Variants in SVIL observed in about 807,000 individuals in gnomAD.
SVIL encodes the protein archvillin.
In SVIL, 101 loss-of-function variants were observed where a neutral mutation model predicts 240.4. The ratio of observed to expected loss-of-function variants is 0.42; its 90% CI spans 0.36 to 0.50. SVIL has a LOEUF of 0.50. Ranked by LOEUF, SVIL falls within the 20% of genes least tolerant of loss-of-function variation. SVIL has a pLI of 0.01. For missense variants in SVIL, 2,512 were observed against 2,818.7 expected (o/e 0.89, Z 2.46); for synonymous variants, 999 against 1,100.0 (o/e 0.91, Z 1.82).
chr10:29,548,570 A>G (rs10437412), intron 6 of SVIL, among the ~76,000 whole-genome samples: 63,541 of 151,976 alleles, frequency 0.42, 13,360 homozygotes, highest in East Asian at 0.44. Flanking sequence ...TCTTGAGTGG[A>G]TCCTTTTACA....
chr10:29,724,181 C>CTT (rs386371080), intron 1 of SVIL, among the ~76,000 whole-genome samples: 88,092 of 144,288 alleles, frequency 0.61, 27,421 homozygotes, highest in Non-Finnish European at 0.69. Flanking sequence ...TGTTTTCTCT[C>CTT]TTTTTTTTTT....
intron 32 of SVIL, among the ~76,000 whole-genome samples, chr10:29,468,716 T>C (rs2132300038): frequency 6.6e-6 from 1 of 152,032 alleles, no homozygotes; most frequent in South Asian, 2.1e-4. Flanking sequence ...CAGTTCACCG[T>C]CTCTTCTACT....
At chr10:29,523,033 A>G (rs912503855) in intron 15 of SVIL, among the ~76,000 whole-genome samples, 2 of 152,232 alleles carry the variant, frequency 1.3e-5, no homozygotes, top group Non-Finnish European at 2.9e-5. Flanking sequence ...GGGCCCACGC[A>G]GTGTAGCTTG....
chr10:29,463,013 G>C (rs1944444606), intron 35 of SVIL, among the ~76,000 whole-genome samples: 1 of 152,010 alleles, frequency 6.6e-6, no homozygotes, highest in Admixed American at 6.6e-5. Context: ...ACTTACTATG[G>C]GTATTTCTCT....
intron 1 of SVIL, among the ~76,000 whole-genome samples, chr10:29,711,362 T>C (rs1963265688): frequency 6.6e-6 from 1 of 152,204 alleles, no homozygotes; most frequent in Non-Finnish European, 1.5e-5. Context: ...ATCGTGCCAC[T>C]GCACTCCAGC....
intron 1 of SVIL, among the ~76,000 whole-genome samples, chr10:29,618,648 CAG>C (rs1393922962): frequency 6.6e-6 from 1 of 152,166 alleles, no homozygotes; most frequent in Non-Finnish European, 1.5e-5. Flanking sequence ...TGGGTCTTTT[CAG>C]AGGCAATAGG....
chr10:29,494,730 G>C (rs978183590), intron 20 of SVIL, among the ~76,000 whole-genome samples, 184 bp downstream of exon 20: 12 of 152,104 alleles, frequency 7.9e-5, no homozygotes, highest in African/African-American at 2.9e-4. Context: ...CATCCCAAGG[G>C]CTTAGATTCA....
rs1298078749 is a variant in SVIL at position 29,532,068 on chromosome 10, C to T, written c.1943G>A (p.Ser648Asn). 1 of 1,614,164 alleles carries T rather than the reference C, an allele frequency of 6.2e-7. No individual in the cohort carries two copies. Among genetic ancestry groups the T allele is most frequent in the Non-Finnish European group, 8.5e-7 (1 of 1,179,992 alleles). Residue 648 changes from serine (S) to asparagine (N), a missense_variant, in exon 9 of 38, where the codon AGT becomes AAT. Around this residue, in one of 3 missense-constraint regions of SVIL, gnomAD observed 1,443 missense variants for 1,486.6 expected, o/e 0.97. Coordinates refer to ENST00000355867, the MANE Select transcript of SVIL (RefSeq NM_021738.3). ...TCTAAATCTCTCGGAAGTTTTTCTA[C>T]TTTCACCAGGAGAAAAATAGCGTCT... The part of the protein sequence containing the change: ...KPRRYFSPGE[S>N]RKTSERFRTQ...
At chr10:29,711,216 ATGG>A (rs1160401818) in intron 1 of SVIL, among the ~76,000 whole-genome samples, 6 of 152,178 alleles carry the variant, frequency 3.9e-5, no homozygotes, top group African/African-American at 1.4e-4. Flanking sequence ...CCTGGACAAC[ATGG>A]TGAAACCCTG....
At position 29,471,219 on chromosome 10, in the gene SVIL, G is replaced by C; in HGVS notation, c.5554C>G (p.Pro1852Ala). 1 of 1,612,908 alleles carries C rather than the reference G, an allele frequency of 6.2e-7. No individual in the cohort carries two copies. The highest frequency in any genetic ancestry group is 8.5e-7 in the Non-Finnish European group (1 of 1,179,148). ...TGGAAACACTGCAGGAAACAGGGGG[G>C]CTCCTTTCCCTGGAGAACCTGGACC... ...AQVQVLQGKE[P>A]PCFLQCFQGG... is the part of the protein sequence containing the mutation. The change falls in exon 31 of 38, where the codon CCC becomes GCC. Residue 1852 changes from proline (P) to alanine (A), a missense_variant. This residue lies in a region of SVIL where 797 missense variants were observed against 925.3 expected (regional missense o/e 0.86). Transcript: ENST00000355867.
chr10:29,623,423 T>G (rs1228846266), intron 1 of SVIL, among the ~76,000 whole-genome samples: 1 of 152,242 alleles, frequency 6.6e-6, no homozygotes, highest in Non-Finnish European at 1.5e-5. Flanking sequence ...TACTGGCCAG[T>G]ACTAAGTCAG....
chr10:29,515,127 A>G (rs1409989123), intron 16 of SVIL, among the ~76,000 whole-genome samples: 2 of 152,148 alleles, frequency 1.3e-5, no homozygotes, highest in African/African-American at 4.8e-5. Flanking sequence ...AGCAGATAAG[A>G]TCTCAAGTGC....
chr10:29,606,053 G>C lies in SVIL; in HGVS notation c.-201+28367C>G, dbSNP rs532608350. 1.9e-4 allele frequency among the ~76,000 whole-genome samples: 29 copies of C among 152,186 alleles called. 1 individual carries two copies. In the East Asian group the frequency reaches 2.7e-3, roughly 14 times the overall value. On this transcript the variant is annotated intron_variant, in intron 1 of 37. Coordinates refer to ENST00000355867, the MANE Select transcript of SVIL (RefSeq NM_021738.3). ...AGCCTCCCGAGTAGCTGGGATTACA[G>C]GCATCTGCCACCACGCGCAGTTAAT...
intron 1 of SVIL, among the ~76,000 whole-genome samples, chr10:29,592,801 T>C (rs1278515264): frequency 2.0e-5 from 3 of 152,186 alleles, no homozygotes; most frequent in Admixed American, 6.5e-5. Flanking sequence ...AAAATTCAAA[T>C]CATTCATCTA....
chr10:29,516,989 A>C (rs1950245158), intron 16 of SVIL, among the ~76,000 whole-genome samples: 1 of 152,144 alleles, frequency 6.6e-6, no homozygotes, highest in Admixed American at 6.5e-5. Context: ...AATTACAGGC[A>C]CCCCATAGAT....
chr10:29,589,318 A>C (rs1467304576), intron 1 of SVIL, among the ~76,000 whole-genome samples: 1 of 152,112 alleles, frequency 6.6e-6, no homozygotes, highest in East Asian at 1.9e-4. Context: ...CCTCTAACTT[A>C]GGCAAAGGAG....
chr10:29,545,935 G>T (rs1008646247), intron 6 of SVIL, among the ~76,000 whole-genome samples: 1 of 150,934 alleles, frequency 6.6e-6, no homozygotes, highest in Admixed American at 6.6e-5. Flanking sequence ...CATTCCCTTT[G>T]CCAGTCACAT....
intron 1 of SVIL, among the ~76,000 whole-genome samples, chr10:29,701,457 G>C (rs1363687187): frequency 6.6e-6 from 1 of 152,198 alleles, no homozygotes; most frequent in Non-Finnish European, 1.5e-5. Flanking sequence ...TGGGAGAAGA[G>C]AGAGATGTAT....
chr10:29,657,784 C>T (rs924270966), intron 3 of SVIL: 5 of 152,176 alleles, frequency 3.3e-5, no homozygotes, highest in African/African-American at 4.8e-5. Flanking sequence ...GCTCAGCTCT[C>T]CTGTATGTCT....
Sources: allele counts gnomAD v4.1 joint callset (sites outside exome capture counted in the v4.1 genomes callset), GRCh38; gene constraint gnomAD v4.1.1; regional missense constraint gnomAD v4.1.1; transcripts MANE v1.5; gene names NCBI Gene and HGNC (gene_info 2026-07-23, HGNC 2026-07-21).